Variants in CMIP observed in about 807,000 individuals in gnomAD.
CMIP encodes C-Maf-inducing protein.
Under a neutral mutation model 97.3 loss-of-function variants are expected in CMIP, and 13 were observed. The observed-to-expected ratio is 0.13, with a 90% confidence interval of 0.09 to 0.21. The LOEUF is 0.21. CMIP is among the 10% of genes least tolerant of loss of function. The pLI is 1.00. For synonymous variants in CMIP, 538 were observed against 436.3 expected, an observed-to-expected ratio of 1.23 and a Z score of -2.91; for missense variants, 847 against 1,024.9, an observed-to-expected ratio of 0.83 and a Z score of 2.37.
intron 1 of CMIP, among the ~76,000 whole-genome samples, chr16:81,535,466 CTTTTTTTTTT>C (rs34961950): frequency 7.4e-6 from 1 of 134,418 alleles, no homozygotes; most frequent in Non-Finnish European, 1.6e-5. Flanking sequence ...CACTGGAATG[CTTTTTTTTTT>C]TTTTTTTTTA....
chr16:81,491,948 C>T (rs192691427), intron 1 of CMIP, among the ~76,000 whole-genome samples: 2 of 152,302 alleles, frequency 1.3e-5, no homozygotes, highest in East Asian at 1.9e-4. Flanking sequence ...TTAGTGGCCA[C>T]GTGGTCATCT....
chr16:81,582,264 C>T (rs944930518), intron 1 of CMIP, among the ~76,000 whole-genome samples: 1 of 152,188 alleles, frequency 6.6e-6, no homozygotes, highest in African/African-American at 2.4e-5. Context: ...CAAGCCTCTT[C>T]CCCAAATGTT....
chr16:81,694,552 AC>A (rs1046508394), intron 13 of CMIP, among the ~76,000 whole-genome samples: 3 of 152,276 alleles, frequency 2.0e-5, no homozygotes, highest in Admixed American at 1.3e-4. Flanking sequence ...GGTCTCTCTG[AC>A]TCAGAACCCA....
intron 1 of CMIP, among the ~76,000 whole-genome samples, chr16:81,504,568 A>G (rs572955743): frequency 7.2e-6 from 1 of 139,170 alleles, no homozygotes; most frequent in African/African-American, 2.8e-5. Flanking sequence ...GCTTGAACCC[A>G]GGAGATGGAG....
In CMIP at chr16:81,603,324, C is replaced by T. The variant is rs2091688761; in HGVS notation, c.301-4243C>T. On this transcript the variant is annotated intron_variant, in intron 1 of 20. Coordinates refer to ENST00000537098, the MANE Select transcript of CMIP (RefSeq NM_198390.3). ...TCTCGATCAAGGTGACGTCATGATC[C>T]GCCCACCTTGGCCTCCCAAAGTGCT... is the stretch of plus-strand genomic sequence containing the variant. The T allele has an allele frequency of 3.1e-5, 14 of 450,052 alleles. 1 individual carries two copies. The highest frequency in any genetic ancestry group is 1.6e-4 in the South Asian group (10 of 63,938). 27.9% of individuals were successfully genotyped at this position (450,052 alleles called of 1,614,324 possible). A position where few individuals can be genotyped will look rare whatever the true frequency, so the allele number is the denominator to read the frequency against.
At chr16:81,473,121 G>A (rs913616379) in intron 1 of CMIP, among the ~76,000 whole-genome samples, 7 of 152,216 alleles carry the variant, frequency 4.6e-5, no homozygotes, top group African/African-American at 1.7e-4. Flanking sequence ...CCTGCCTCCT[G>A]CCCGGCCTCC....
rs555981860 is a variant in CMIP at position 81,456,182 on chromosome 16, C to T, written c.300+10641C>T. The stretch of plus-strand genomic sequence containing the variant: ...GGCAACTGAGCTCGGGGAGTCCCAG[C>T]AGGGCCAGACAGAGCCCAGAGCCAG... On this transcript the variant is annotated intron_variant, in intron 1 of 20. Transcript: ENST00000537098. Among the ~76,000 whole-genome samples the T allele has an allele frequency of 6.6e-5, 10 of 152,350 alleles. No individual in the cohort carries two copies. In the East Asian group the frequency reaches 1.7e-3, roughly 26 times the overall value.
chr16:81,541,842 G>A (rs1267976447), intron 1 of CMIP, among the ~76,000 whole-genome samples: 2 of 152,208 alleles, frequency 1.3e-5, no homozygotes, highest in African/African-American at 4.8e-5. Flanking sequence ...CCCAGAGGCC[G>A]TCTGCAAAGG....
Position 81,568,140 on chromosome 16 carries a change from C to T in CMIP, c.301-39427C>T, listed in dbSNP as rs571646538. Among the ~76,000 whole-genome samples the T allele has an allele frequency of 1.1e-3, 164 of 151,212 alleles. 2 individuals are homozygous for T. The highest frequency in any genetic ancestry group is 8.8e-3 in the South Asian group (42 of 4,792). On this transcript the variant is annotated intron_variant, in intron 1 of 20. Coordinates refer to ENST00000537098, the MANE Select transcript of CMIP (RefSeq NM_198390.3). ...AGGTCCAGAGGGACCAGGGCCTTGC[C>T]TTCTAGGGCACCTTTGATGGGAGAA...
At chr16:81,559,635 G>A (rs1320959544) in intron 1 of CMIP, among the ~76,000 whole-genome samples, 3 of 152,192 alleles carry the variant, frequency 2.0e-5, no homozygotes, top group African/African-American at 7.2e-5. Flanking sequence ...AGGTGTTGGT[G>A]GTGGTGCTGG....
At chr16:81,694,019 C>T (rs1211335946) in intron 13 of CMIP, among the ~76,000 whole-genome samples, 2 of 152,240 alleles carry the variant, frequency 1.3e-5, no homozygotes, top group South Asian at 2.1e-4. Context: ...GGAAGCCAGC[C>T]TGTAGCCCTG....
At chr16:81,624,030 C>T (rs900759305) in intron 3 of CMIP, among the ~76,000 whole-genome samples, 2 of 152,084 alleles carry the variant, frequency 1.3e-5, no homozygotes, top group Non-Finnish European at 2.9e-5. Flanking sequence ...TCTGCTGATA[C>T]AGCCACTCTC....
At chr16:81,605,939 A>G (rs901123258) in intron 1 of CMIP, among the ~76,000 whole-genome samples, 4 of 152,218 alleles carry the variant, frequency 2.6e-5, no homozygotes, top group African/African-American at 9.6e-5. Context: ...AATCTTTTGT[A>G]CTTTTTGAGC....
intron 10 of CMIP, among the ~76,000 whole-genome samples, chr16:81,686,901 G>T (rs995976338): frequency 6.6e-6 from 1 of 152,122 alleles, no homozygotes; most frequent in Admixed American, 6.5e-5. Flanking sequence ...CCACCCCTCT[G>T]CCCAGCCCGG....
chr16:81,681,257 A>G (rs1416064763), intron 10 of CMIP, among the ~76,000 whole-genome samples: 2 of 152,156 alleles, frequency 1.3e-5, no homozygotes, highest in African/African-American at 4.8e-5. Context: ...TCCTCCCCAC[A>G]CCCAGCAGGC....
chr16:81,468,639 A>AG (rs1158577262), intron 1 of CMIP, among the ~76,000 whole-genome samples: 1 of 152,256 alleles, frequency 6.6e-6, no homozygotes, highest in African/African-American at 2.4e-5. Context: ...GTGTGGAGAC[A>AG]ACAGCATGGG....
intron 11 of CMIP, 150 bp from the exon 12 acceptor site, chr16:81,693,008 G>T: frequency 1.5e-6 from 1 of 650,790 alleles, no homozygotes; most frequent in Non-Finnish European, 2.8e-6. Context: ...AGCTTTGAGT[G>T]GGGACAAAAT....
Position 81,709,851 on chromosome 16 carries a change from T to C in CMIP, c.*52T>C, listed in dbSNP as rs1908565925. On this transcript the variant is annotated 3_prime_UTR_variant, in exon 21 of 21. Coordinates refer to ENST00000537098, the MANE Select transcript of CMIP (RefSeq NM_198390.3). Reference sequence around the variant, plus strand: ...TTTGCAACCGCGACAAAATAACTCTTGACTAACAGCCGCAGAGCAGCCGGT... The same window carrying C: ...TTTGCAACCGCGACAAAATAACTCTCGACTAACAGCCGCAGAGCAGCCGGT... The C allele has an allele frequency of 2.6e-6, 4 of 1,525,156 alleles. No homozygotes were observed. The highest frequency in any genetic ancestry group is 2.8e-5 in the African/African-American group (2 of 70,760). 94.5% of individuals were successfully genotyped at this position (1,525,156 alleles called of 1,614,324 possible). A position where few individuals can be genotyped will look rare whatever the true frequency, so the allele number is the denominator to read the frequency against.
At chr16:81,468,771 A>G (rs1179801144) in intron 1 of CMIP, among the ~76,000 whole-genome samples, 1 of 152,238 alleles carries the variant, frequency 6.6e-6, no homozygotes, top group African/African-American at 2.4e-5. Flanking sequence ...GGGTCCGCTC[A>G]GGCCAGGAGG....
Sources: gnomAD v4.1 joint callset for allele counts (sites outside exome capture counted in the v4.1 genomes callset) on GRCh38, gnomAD v4.1.1 for gene constraint, MANE v1.5 for transcripts, NCBI Gene and HGNC (gene_info 2026-07-23, HGNC 2026-07-21) for gene names.